PPP1R13B: variants seen among roughly 807,000 people sequenced by gnomAD.
PPP1R13B encodes the protein apoptosis-stimulating of p53 protein 1.
In PPP1R13B, 44 loss-of-function variants were observed where a neutral mutation model predicts 119.8. The ratio of observed to expected loss-of-function variants is 0.37; its 90% CI spans 0.29 to 0.47. The LOEUF (loss-of-function observed/expected upper bound fraction) is 0.47, where lower values mean the gene tolerates loss of function less well. PPP1R13B is among the 20% of genes least tolerant of loss of function. The pLI is 0.99. For missense variants in PPP1R13B, 1,227 were observed against 1,413.5 expected, an observed-to-expected ratio of 0.87 and a Z score of 2.12; for synonymous variants, 542 against 561.5, an observed-to-expected ratio of 0.97 and a Z score of 0.49.
chr14:103,836,321 C>T (rs1383785609), intron 1 of PPP1R13B, among the ~76,000 whole-genome samples: 2 of 151,868 alleles, frequency 1.3e-5, no homozygotes. Context: ...GCTGAGATTA[C>T]AGGCGTGAAC....
chr14:103,787,110 G>A (rs1321909276), intron 2 of PPP1R13B, among the ~76,000 whole-genome samples: 1 of 151,930 alleles, frequency 6.6e-6, no homozygotes, highest in Non-Finnish European at 1.5e-5. Context: ...TGCCTCGGCT[G>A]CCCAAAGTGC....
chr14:103,760,515 T>C (rs2084780198), intron 4 of PPP1R13B, among the ~76,000 whole-genome samples: 2 of 152,108 alleles, frequency 1.3e-5, no homozygotes, highest in Non-Finnish European at 2.9e-5. Context: ...GCAGAAAAGT[T>C]TTCTCAGCAA....
At chr14:103,783,840 T>C (rs558346580) in intron 3 of PPP1R13B, among the ~76,000 whole-genome samples, 2 of 152,342 alleles carry the variant, frequency 1.3e-5, no homozygotes, top group African/African-American at 2.4e-5. Context: ...CCTGAGCCAC[T>C]GCACCCAGGC....
intron 1 of PPP1R13B, 62 bp from the exon 2 acceptor site, chr14:103,797,580 A>T: frequency 7.3e-7 from 1 of 1,376,322 alleles, no homozygotes; most frequent in Non-Finnish European, 1.0e-6. Context: ...TTAATCTGTA[A>T]ATTTAAAGTG....
intron 4 of PPP1R13B, among the ~76,000 whole-genome samples, chr14:103,770,051 T>G (rs1380469759): frequency 6.6e-6 from 1 of 152,042 alleles, no homozygotes; most frequent in African/African-American, 2.4e-5. Flanking sequence ...TCTATAAATG[T>G]GAATAACTTT....
chr14:103,757,824 A>C, intron 4 of PPP1R13B, 73 bp from the exon 5 acceptor site: 1 of 1,249,118 alleles, frequency 8.0e-7, no homozygotes, highest in Non-Finnish European at 1.2e-6. Flanking sequence ...CAAAACTCAC[A>C]CATATCAGGA....
chr14:103,756,870 C>T (rs1261710352), intron 5 of PPP1R13B, among the ~76,000 whole-genome samples: 1 of 152,006 alleles, frequency 6.6e-6, no homozygotes, highest in Non-Finnish European at 1.5e-5. Flanking sequence ...ACCATTCTCC[C>T]GCCTGAGCCT....
chr14:103,762,745 G>C (rs2084839599), intron 4 of PPP1R13B: 1 of 680,886 alleles, frequency 1.5e-6, no homozygotes, highest in Non-Finnish European at 2.7e-6. Context: ...GAGACGGATG[G>C]GGGTGGAGGC....
At chr14:103,825,905 C>T (rs932267520) in intron 1 of PPP1R13B, among the ~76,000 whole-genome samples, 1 of 150,500 alleles carries the variant, frequency 6.6e-6, no homozygotes, top group Admixed American at 6.6e-5. Context: ...AGTACAGTGG[C>T]GCAATCTTGG....
Position 103,778,735 on chromosome 14 carries a change from T to G in PPP1R13B, c.354+10A>C. 1 of 1,608,000 alleles carries G rather than the reference T, an allele frequency of 6.2e-7. No homozygotes were observed. Among genetic ancestry groups the G allele is most frequent in the East Asian group, 2.2e-5 (1 of 44,800 alleles). ...ATTTTTAAAATTCAATTTAATTCAC[T>G]GTCACTTACCCCATTTTCAGTACGT... is the stretch of plus-strand genomic sequence containing the variant. On this transcript the variant is annotated intron_variant, in intron 4 of 16. Transcript: ENST00000202556.
At chr14:103,754,561 CAA>C (rs771794623) in intron 5 of PPP1R13B, among the ~76,000 whole-genome samples, 13 of 41,014 alleles carry the variant, frequency 3.2e-4, no homozygotes, top group African/African-American at 7.4e-4. Context: ...GACTCAGTCT[CAA>C]AAAAAAAAAA....
chr14:103,821,281 C>T (rs2086400199), intron 1 of PPP1R13B, among the ~76,000 whole-genome samples: 1 of 152,174 alleles, frequency 6.6e-6, no homozygotes, highest in Non-Finnish European at 1.5e-5. Flanking sequence ...GCACGACATA[C>T]CATATTCTCT....
chr14:103,746,589 C>T (rs761504810), intron 8 of PPP1R13B, 36 bp from the exon 9 acceptor site: 3 of 1,512,108 alleles, frequency 2.0e-6, no homozygotes, highest in Non-Finnish European at 1.8e-6. Flanking sequence ...CAAGATTCTC[C>T]TACATTCAAA....
chr14:103,749,648 C>T (rs3818085), intron 8 of PPP1R13B, 146 bp downstream of exon 8: 336,908 of 822,298 alleles, frequency 0.41, 71,234 homozygotes, highest in African/African-American at 0.56. Context: ...AGAAGGAACT[C>T]TGTTCTGTCA....
intron 4 of PPP1R13B, among the ~76,000 whole-genome samples, chr14:103,776,449 A>C (rs2085197397): frequency 1.3e-5 from 2 of 152,194 alleles, no homozygotes; most frequent in African/African-American, 4.8e-5. Flanking sequence ...CTCCGAGGCC[A>C]GTGGGCTAAA....
intron 7 of PPP1R13B, 42 bp downstream of exon 7, chr14:103,752,958 T>G: frequency 7.9e-5 from 125 of 1,579,206 alleles, no homozygotes; most frequent in Non-Finnish European, 9.8e-5. Flanking sequence ...GATAGAAAGA[T>G]GAGAATGTTT....
chr14:103,830,096 T>C (rs946375932), intron 1 of PPP1R13B, among the ~76,000 whole-genome samples: 1 of 115,450 alleles, frequency 8.7e-6, no homozygotes, highest in Non-Finnish European at 1.7e-5. Flanking sequence ...ATTTTTATTT[T>C]ATTTATTTAT....
intron 1 of PPP1R13B, among the ~76,000 whole-genome samples, chr14:103,804,675 A>G (rs1431485211): frequency 6.6e-6 from 1 of 152,130 alleles, no homozygotes; most frequent in African/African-American, 2.4e-5. Context: ...TCAGTGCTGC[A>G]GTGAGCTATG....
At chr14:103,787,649 CAT>C (rs1491230655) in intron 2 of PPP1R13B, among the ~76,000 whole-genome samples, 10 of 135,048 alleles carry the variant, frequency 7.4e-5, no homozygotes, top group African/African-American at 2.2e-4. Flanking sequence ...TTAATTGCTA[CAT>C]TTTTTTTTTT....
Sources: gnomAD v4.1 joint callset for allele counts (sites outside exome capture counted in the v4.1 genomes callset) on GRCh38, gnomAD v4.1.1 for gene constraint, MANE v1.5 for transcripts, NCBI Gene and HGNC (gene_info 2026-07-23, HGNC 2026-07-21) for gene names.